Variants in BLK observed in about 807,000 individuals in gnomAD.
The protein encoded by BLK is BLK proto-oncogene, Src family tyrosine kinase.
A neutral mutation model predicts 61.8 loss-of-function variants in BLK; 64 were observed. The ratio of observed to expected loss-of-function variants is 1.03; its 90% CI spans 0.85 to 1.27. The LOEUF (loss-of-function observed/expected upper bound fraction) is 1.27, where lower values mean the gene tolerates loss of function less well. BLK is among the 50% of genes most tolerant of loss of function. BLK has a pLI of 0.00. For synonymous variants in BLK, 351 were observed against 272.0 expected (o/e 1.29, Z -2.86); for missense variants, 853 against 660.5 (o/e 1.29, Z -3.19).
intron 6 of BLK, among the ~76,000 whole-genome samples, chr8:11,551,651 T>G (rs1800912029): frequency 6.6e-6 from 1 of 152,030 alleles, no homozygotes; most frequent in Non-Finnish European, 1.5e-5. Context: ...CATTCCAGAG[T>G]CAAGTTAGCC....
intron 6 of BLK, among the ~76,000 whole-genome samples, chr8:11,550,730 A>AT (rs1484962861): frequency 1.8e-4 from 28 of 152,268 alleles, no homozygotes; most frequent in African/African-American, 5.3e-4. Context: ...AGGGGAGCCC[A>AT]TGCCAGTCTA....
intron 9 of BLK, among the ~76,000 whole-genome samples, chr8:11,557,608 C>T (rs753903936): frequency 1.3e-5 from 2 of 152,110 alleles, no homozygotes; most frequent in African/African-American, 2.4e-5. Context: ...ATCAAGGGAG[C>T]GAGGCCAACA....
Position 11,554,847 on chromosome 8 carries a change from A to C in BLK, c.577A>C (p.Ile193Leu). The change falls in exon 7 of 13, where the codon ATC (isoleucine) becomes CTC (leucine). Residue 193 changes from isoleucine to leucine, a missense_variant. Transcript: ENST00000259089. ...DEGGYYISPR[I>L]TFPSLQALVQ... ...AGGGGGCTACTACATCTCCCCCCGG[A>C]TCACCTTCCCCTCGCTCCAGGCCCT... The C allele has an allele frequency of 1.2e-6, 2 of 1,613,874 alleles. No individual in the cohort carries two copies. The highest frequency in any genetic ancestry group is 8.5e-7 in the Non-Finnish European group (1 of 1,179,962).
intron 1 of BLK, among the ~76,000 whole-genome samples, chr8:11,532,411 A>G (rs912980229): frequency 1.4e-5 from 2 of 143,598 alleles, no homozygotes; most frequent in Non-Finnish European, 3.0e-5. Context: ...GGGTTTCACC[A>G]TGTTGGCCAG....
intron 1 of BLK, among the ~76,000 whole-genome samples, chr8:11,529,130 G>A (rs112095835): frequency 1.3e-5 from 2 of 152,196 alleles, no homozygotes; most frequent in African/African-American, 4.8e-5. Context: ...ATAATAATTA[G>A]CCCTAATATA....
rs76265136 is a variant in BLK at position 11,548,487 on chromosome 8, T to G, written c.269+362T>G. Among the ~76,000 whole-genome samples, 587 of 152,294 alleles carry G rather than the reference T, an allele frequency of 3.9e-3. 2 individuals carry two copies. Among genetic ancestry groups the G allele is most frequent in the Non-Finnish European group, 6.9e-3 (469 of 68,038 alleles). ...GCCAGTTGTGTCCATATTTGTCTCC[T>G]TTTCAAGACAGGAGCCCACACTGAT... On this transcript the variant is annotated intron_variant, in intron 4 of 12. Transcript: ENST00000259089.
At chr8:11,543,079 A>C in intron 1 of BLK, 145 bp from the exon 2 acceptor site, 2 of 1,260,708 alleles carry the variant, frequency 1.6e-6, no homozygotes, top group Non-Finnish European at 2.2e-6. Context: ...GCTTCTACCC[A>C]CGTTCTGACT....
intron 6 of BLK, chr8:11,552,988 A>G (rs530345955): frequency 6.4e-5 from 10 of 156,342 alleles, no homozygotes; most frequent in Non-Finnish European, 1.1e-4. Context: ...ATACACATGC[A>G]AACACATACA....
At chr8:11,544,073 G>A (rs567001256) in intron 2 of BLK, among the ~76,000 whole-genome samples, 13 of 151,348 alleles carry the variant, frequency 8.6e-5, no homozygotes, top group African/African-American at 2.4e-4. Context: ...AGTGATTCTC[G>A]TACCTCAGCC....
In BLK at chr8:11,521,993, G is replaced by A. The variant is rs182194965; in HGVS notation, c.-1-21231G>A. On this transcript the variant is annotated intron_variant, in intron 1 of 12. Transcript: ENST00000259089. ...TGGAATATAGATTGGAAACACATTT[G>A]ATTTTTAAGTAATTTGGAGAGAATA... Among the ~76,000 whole-genome samples, 894 of 152,264 alleles carry A rather than the reference G, an allele frequency of 5.9e-3. 8 individuals carry two copies. Among genetic ancestry groups the A allele is most frequent in the Non-Finnish European group, 9.3e-3 (634 of 68,012 alleles).
intron 1 of BLK, chr8:11,509,109 C>T (rs1798895750): frequency 6.6e-6 from 1 of 152,150 alleles, no homozygotes; most frequent in African/African-American, 2.4e-5. Context: ...AACCAGGTCA[C>T]AGTGGCTGCC....
In BLK at chr8:11,505,375, C is replaced by G. The variant is rs115833753; in HGVS notation, c.-2+10784C>G. ...GGGCCTGGAGAAGGGAGACAGCACC[C>G]GCTCCCTCCACCCCTTGTCCCTGAG... On this transcript the variant is annotated intron_variant, in intron 1 of 12. Coordinates refer to ENST00000259089, the MANE Select transcript of BLK (RefSeq NM_001715.3). 3.9e-5 allele frequency among the ~76,000 whole-genome samples: 6 copies of G among 152,224 alleles called. 1 individual carries two copies. Among genetic ancestry groups the G allele is most frequent in the African/African-American group, 1.4e-4 (6 of 41,502 alleles).
intron 1 of BLK, among the ~76,000 whole-genome samples, chr8:11,536,128 G>C (rs1377964966): frequency 1.3e-5 from 2 of 152,226 alleles, no homozygotes; most frequent in Admixed American, 1.3e-4. Context: ...TGATACCATG[G>C]AAATATTGCT....
rs574368778 is a variant in BLK at position 11,540,755 on chromosome 8, A to G, written c.-1-2469A>G. On this transcript the variant is annotated intron_variant, in intron 1 of 12. Coordinates refer to ENST00000259089, the MANE Select transcript of BLK (RefSeq NM_001715.3). ...AAATTGGAAATGTCTTTAAAGATTT[A>G]CTATTTGAAAGGGCCCCAGACACAG... Among the ~76,000 whole-genome samples, 87 of 152,164 alleles carry G rather than the reference A, an allele frequency of 5.7e-4. 1 individual carries two copies. The highest frequency in any genetic ancestry group is 5.2e-3 in the South Asian group (25 of 4,818).
intron 2 of BLK, 194 bp from the exon 3 acceptor site, chr8:11,545,858 G>T: frequency 1.5e-6 from 1 of 685,850 alleles, no homozygotes; most frequent in Non-Finnish European, 2.7e-6. Context: ...GGCAGCAGAG[G>T]GCGGGGGTCT....
chr8:11,518,409 A>T (rs548914551), intron 1 of BLK, among the ~76,000 whole-genome samples: 1 of 152,276 alleles, frequency 6.6e-6, no homozygotes, highest in South Asian at 2.1e-4. Context: ...CTGAACACAG[A>T]CACCCCACTG....
chr8:11,563,571 C>A (rs1801589531), intron 12 of BLK, among the ~76,000 whole-genome samples: 2 of 152,206 alleles, frequency 1.3e-5, no homozygotes, highest in South Asian at 4.1e-4. Flanking sequence ...GCTGTGTGCA[C>A]CTGGCAGCTG....
At chr8:11,523,309 T>G (rs1433112004) in intron 1 of BLK, among the ~76,000 whole-genome samples, 1 of 152,204 alleles carries the variant, frequency 6.6e-6, no homozygotes, top group African/African-American at 2.4e-5. Flanking sequence ...ATCCCAGCAC[T>G]TTGAGAGACC....
chr8:11,553,471 C>T (rs1324428078), intron 6 of BLK: 2 of 397,370 alleles, frequency 5.0e-6, no homozygotes, highest in Non-Finnish European at 1.0e-5. Flanking sequence ...GGGACGGGGC[C>T]TCAGAGCAGC....
Sources: gnomAD v4.1 joint callset for allele counts (sites outside exome capture counted in the v4.1 genomes callset) on GRCh38, gnomAD v4.1.1 for gene constraint, MANE v1.5 for transcripts, NCBI Gene and HGNC (gene_info 2026-07-23, HGNC 2026-07-21) for gene names.